Variants in PTCD1 observed in about 807,000 individuals in gnomAD.
The protein encoded by PTCD1 is pentatricopeptide repeat domain 1.
In PTCD1, 50 loss-of-function variants were observed where a neutral mutation model predicts 53.4. The ratio of observed to expected loss-of-function variants is 0.94; its 90% confidence interval spans 0.75 to 1.19. The LOEUF (loss-of-function observed/expected upper bound fraction) is 1.19. PTCD1 is among the 50% of genes most tolerant of loss of function. The pLI, the probability that PTCD1 is intolerant of heterozygous loss-of-function variation, is 0.00. For missense variants in PTCD1, 918 were observed against 904.8 expected, an observed-to-expected ratio of 1.01 and a Z score of -0.19; for synonymous variants, 413 against 394.8, an observed-to-expected ratio of 1.05 and a Z score of -0.55.
In PTCD1 at chr7:99,438,779, C is replaced by G. The variant is rs1358813235; in HGVS notation, c.-114G>C. The G allele has an allele frequency of 8.7e-6, 12 of 1,373,970 alleles. No individual in the cohort carries two copies. The highest frequency in any genetic ancestry group is 1.1e-5 in the Non-Finnish European group (12 of 1,044,872). The allele number at this position is 1,373,970 out of a possible 1,614,324, so 85.1% of individuals were successfully genotyped here. On this transcript the variant is annotated 5_prime_UTR_variant, in exon 1 of 8. Coordinates refer to ENST00000292478, the MANE Select transcript of PTCD1 (RefSeq NM_015545.4). Reference sequence around the variant, plus strand: ...TCTCTTCCTCGGGTCCCCCTCTCCCCAAGCGCGCAGGCGCAATCCGCGTCG... The same window carrying G: ...TCTCTTCCTCGGGTCCCCCTCTCCCGAAGCGCGCAGGCGCAATCCGCGTCG...
intron 3 of PTCD1, among the ~76,000 whole-genome samples, chr7:99,432,270 G>T (rs756569124): frequency 8.6e-5 from 13 of 151,736 alleles, no homozygotes; most frequent in Non-Finnish European, 1.5e-4. Flanking sequence ...TCTCCTGCTC[G>T]TCCCTGGGAA....
In PTCD1 at chr7:99,417,782, G is replaced by C; in HGVS notation, c.*2185C>G. The stretch of plus-strand genomic sequence containing the variant: ...CATGTGAGGCAGCGTGTGGCTGTGT[G>C]TTTGTTAGGTCTGGGGTCAATCTCA... On this transcript the variant is annotated 3_prime_UTR_variant, in exon 8 of 8. Transcript: ENST00000292478. 1 of 1,529,212 alleles carries C rather than the reference G, an allele frequency of 6.5e-7. No individual in the cohort carries two copies. Among genetic ancestry groups the C allele is most frequent in the Non-Finnish European group, 8.7e-7 (1 of 1,143,566 alleles). 94.7% of individuals were successfully genotyped at this position (1,529,212 alleles called of 1,614,324 possible).
At position 99,434,912 on chromosome 7, in the gene PTCD1, T is replaced by A. The variant is rs757558291; in HGVS notation, c.331A>T (p.Asn111Tyr). The change falls in exon 2 of 8, where the codon AAC (asparagine) becomes TAC (tyrosine). Residue 111 changes from asparagine to tyrosine, a missense_variant. By Grantham distance (143) the Asn-to-Tyr change is moderately radical (BLOSUM62 -2). Transcript: ENST00000292478. Reference sequence around the variant, plus strand: ...TCTCTCCGTTCCCCAAACCGCAGGTTATGGAACTGGGCTGCGGATTTGCGG... The same window carrying A: ...TCTCTCCGTTCCCCAAACCGCAGGTAATGGAACTGGGCTGCGGATTTGCGG... ...LFRKSAAQFH[N>Y]LRFGERRDEQ... 6.2e-7 allele frequency: 1 copy of A among 1,614,244 alleles called. No homozygotes were observed. Among genetic ancestry groups the A allele is most frequent in the South Asian group, 1.1e-5 (1 of 91,084 alleles).
At position 99,433,033 on chromosome 7, in the gene PTCD1, T is replaced by G. The variant is rs1732390461; in HGVS notation, c.594+245A>C. On this transcript the variant is annotated intron_variant, in intron 3 of 7. Coordinates refer to ENST00000292478, the MANE Select transcript of PTCD1 (RefSeq NM_015545.4). The stretch of plus-strand genomic sequence containing the variant: ...TCCAGCCTAGGTGACAGAGTGAGGC[T>G]CCCTCTGTTTTTTTTTGAAGGGAAA... 21 of 589,952 alleles carry G rather than the reference T, an allele frequency of 3.6e-5. No individual in the cohort carries two copies. The South Asian group carries it at 3.9e-4, about 11-fold the overall frequency. The allele number at this position is 589,952 out of a possible 1,614,324, so 36.5% of individuals were successfully genotyped here.
At chr7:99,426,556 G>C (rs1796033118) in intron 5 of PTCD1, among the ~76,000 whole-genome samples, 1 of 152,214 alleles carries the variant, frequency 6.6e-6, no homozygotes, top group South Asian at 2.1e-4. Context: ...CCACCTCCCA[G>C]CCGCCTGCCT....
rs1403289201 is a variant in PTCD1, at chr7:99,419,506, C to T, written c.*461G>A. On this transcript the variant is annotated 3_prime_UTR_variant, in exon 8 of 8. Coordinates refer to ENST00000292478, the MANE Select transcript of PTCD1 (RefSeq NM_015545.4). ...TCCTGCCTGTCACGCCACCCCCTTCCTGGGAGCAGCGAGCAGTGCCCCAGG... is the reference window on the plus strand; with the variant it reads ...TCCTGCCTGTCACGCCACCCCCTTCTTGGGAGCAGCGAGCAGTGCCCCAGG... 6.3e-7 allele frequency: 1 copy of T among 1,587,136 alleles called. No homozygotes were observed. The highest frequency in any genetic ancestry group is 8.6e-7 in the Non-Finnish European group (1 of 1,163,960).
intron 3 of PTCD1, among the ~76,000 whole-genome samples, chr7:99,431,080 AAAAT>A (rs1248060919): frequency 2.6e-5 from 4 of 152,226 alleles, no homozygotes; most frequent in Non-Finnish European, 4.4e-5. Context: ...CCGTCTCAAA[AAAAT>A]AAATAAATAA....
In PTCD1 at chr7:99,429,320, G is replaced by A. The variant is rs1796173017; in HGVS notation, c.814-116C>T. On this transcript the variant is annotated intron_variant, in intron 4 of 7. Transcript: ENST00000292478. Reference sequence around the variant, plus strand: ...AAGGCAGGATGATCACTTGAGGCCAGGAGTTTTGTGACCAGCCTGGGCAAC... The same window carrying A: ...AAGGCAGGATGATCACTTGAGGCCAAGAGTTTTGTGACCAGCCTGGGCAAC... 3 of 1,362,390 alleles carry A rather than the reference G, an allele frequency of 2.2e-6. No homozygotes were observed. The East Asian group carries it at 7.0e-5, about 32-fold the overall frequency. 84.4% of individuals were successfully genotyped at this position (1,362,390 alleles called of 1,614,324 possible).
chr7:99,436,959 G>A (rs1480767690), intron 1 of PTCD1, among the ~76,000 whole-genome samples: 2 of 152,174 alleles, frequency 1.3e-5, no homozygotes, highest in East Asian at 3.9e-4. Context: ...CCAACTCCTG[G>A]GCTCAAGTGA....
chr7:99,431,144 T>A (rs1379792964), intron 3 of PTCD1, among the ~76,000 whole-genome samples: 1 of 151,882 alleles, frequency 6.6e-6, no homozygotes. Context: ...TCTTTTTTTT[T>A]GAGATGGAGT....
In PTCD1 at chr7:99,435,539, T is replaced by C. The variant is rs568420348; in HGVS notation, c.-26-271A>G. 5.9e-5 allele frequency among the ~76,000 whole-genome samples: 9 copies of C among 152,062 alleles called. No individual in the cohort carries two copies. The East Asian group carries it at 1.7e-3, about 29-fold the overall frequency. On this transcript the variant is annotated intron_variant, in intron 1 of 7. Transcript: ENST00000292478. ...CTGTAATCCCAGCTACTCAGGAGGC[T>C]GAGGCAGGAGAATCACCTGAACCTG...
rs753215343 is a variant in PTCD1, at chr7:99,417,621, G to T, written c.*2346C>A. 3 of 1,607,384 alleles carry T rather than the reference G, an allele frequency of 1.9e-6. No homozygotes were observed. In the South Asian group the frequency reaches 3.3e-5, roughly 18 times the overall value. ...GTAATGTCTGACACTCAAGCTTGGT[G>T]TTGTTTTCAGCTCAAAATTCTGCCT... On this transcript the variant is annotated 3_prime_UTR_variant, in exon 8 of 8. Transcript: ENST00000292478.
At chr7:99,421,298 C>T (rs573362351) in intron 7 of PTCD1, among the ~76,000 whole-genome samples, 5 of 152,028 alleles carry the variant, frequency 3.3e-5, no homozygotes, top group African/African-American at 1.2e-4. Flanking sequence ...TACAGTGGTA[C>T]ATGCCTGTAG....
chr7:99,424,662 C>G, intron 6 of PTCD1, 133 bp downstream of exon 6: 5 of 1,231,846 alleles, frequency 4.1e-6, no homozygotes, highest in Non-Finnish European at 5.6e-6. Context: ...AGGTCATTGA[C>G]CCCACTCTCT....
chr7:99,435,814 A>G lies in PTCD1; in HGVS notation c.-26-546T>C, dbSNP rs113591329. The stretch of plus-strand genomic sequence containing the variant: ...GAGCTGGGTGTGGTGCTACACGTCT[A>G]ATCCCAGCTACTGAGGAGACTGAGG... On this transcript the variant is annotated intron_variant, in intron 1 of 7. Transcript: ENST00000292478. Among the ~76,000 whole-genome samples the G allele has an allele frequency of 7.2e-3, 1,093 of 151,462 alleles. 12 individuals carry two copies. Among genetic ancestry groups the G allele is most frequent in the African/African-American group, 0.025 (1,030 of 41,258 alleles).
chr7:99,424,157 G>A (rs954593465), intron 6 of PTCD1, among the ~76,000 whole-genome samples, 200 bp from the exon 7 acceptor site: 39 of 152,210 alleles, frequency 2.6e-4, no homozygotes, highest in African/African-American at 9.4e-4. Context: ...AAGAAGCTGC[G>A]GAAAAGGACG....
Position 99,425,275 on chromosome 7 carries a change from C to T in PTCD1, c.1257G>A (p.Glu419=), listed in dbSNP as rs762845880. The change falls in exon 6 of 8, where the codon GAG becomes GAA. Residue 419 remains glutamate (E), a synonymous_variant. Coordinates refer to ENST00000292478, the MANE Select transcript of PTCD1 (RefSeq NM_015545.4). The part of the protein sequence containing the change: ...KAQPEVDTKA[E]PSHTAALTAV... ...CGGTGAGGGCTGCTGTGTGGCTGGG[C>T]TCTGCCTTAGTATCCACCTCTGGTT... 3.7e-6 allele frequency: 6 copies of T among 1,613,300 alleles called. No individual in the cohort carries two copies. The African/African-American group carries it at 8.0e-5, about 22-fold the overall frequency.
chr7:99,426,175 GTCTCCC>G (rs1318850508), intron 5 of PTCD1, among the ~76,000 whole-genome samples: 1 of 84,512 alleles, frequency 1.2e-5, no homozygotes, highest in South Asian at 3.2e-4. Context: ...TCTCCCCACG[GTCTCCC>G]TCTCCCTCTC....
Position 99,419,605 on chromosome 7 carries a change from T to A in PTCD1, c.*362A>T. On this transcript the variant is annotated 3_prime_UTR_variant, in exon 8 of 8. Transcript: ENST00000292478. Reference sequence around the variant, plus strand: ...CTGTGATTTGTAAAAATAAAATCTTTAAATCTCTCGAGCCCCACGTCTCTT... The same window carrying A: ...CTGTGATTTGTAAAAATAAAATCTTAAAATCTCTCGAGCCCCACGTCTCTT... The A allele has an allele frequency of 1.1e-6, 1 of 876,218 alleles. No individual in the cohort carries two copies. Among genetic ancestry groups the A allele is most frequent in the Non-Finnish European group, 1.7e-6 (1 of 579,242 alleles). The allele number at this position is 876,218 out of a possible 1,614,324, so 54.3% of individuals were successfully genotyped here.
Sources: allele counts gnomAD v4.1 joint callset (sites outside exome capture counted in the v4.1 genomes callset), GRCh38; gene constraint gnomAD v4.1.1; transcripts MANE v1.5; gene names NCBI Gene and HGNC (gene_info 2026-07-23, HGNC 2026-07-21).